The following ORC5 variants were observed in gnomAD, a reference collection of about 807,000 sequenced individuals.
The protein encoded by ORC5 is origin recognition complex subunit 5.
Under a neutral mutation model 58.8 loss-of-function variants are expected in ORC5, and 39 were observed. The observed-to-expected ratio is 0.66, with a 90% CI of 0.51 to 0.87. The LOEUF is 0.87. Ranked by LOEUF, ORC5 falls within the 40% of genes least tolerant of loss-of-function variation. The pLI is 0.00. For missense variants in ORC5, 493 were observed against 506.3 expected (o/e 0.97, Z 0.25); for synonymous variants, 218 against 177.6 (o/e 1.23, Z -1.81).
At chr7:104,188,792 T>A (rs889860571) in intron 5 of ORC5, among the ~76,000 whole-genome samples, 4 of 152,134 alleles carry the variant, frequency 2.6e-5, no homozygotes, top group Admixed American at 6.5e-5. Context: ...GGGAGGTGAT[T>A]GAATCATGAG....
At chr7:104,173,487 C>T (rs1042342478) in intron 8 of ORC5, among the ~76,000 whole-genome samples, 1 of 152,168 alleles carries the variant, frequency 6.6e-6, no homozygotes, top group Admixed American at 6.5e-5. Flanking sequence ...AAGGAATCAG[C>T]AATTCTTAGA....
chr7:104,155,808 G>A (rs532180358), intron 12 of ORC5, among the ~76,000 whole-genome samples: 2 of 151,498 alleles, frequency 1.3e-5, no homozygotes, highest in Admixed American at 6.6e-5. Context: ...GGTAGGGGAG[G>A]TAAGAATGAG....
At chr7:104,131,400 G>C (rs981391800) in intron 13 of ORC5, among the ~76,000 whole-genome samples, 1 of 152,022 alleles carries the variant, frequency 6.6e-6, no homozygotes, top group East Asian at 1.9e-4. Context: ...CTTATATAAC[G>C]TTTCAGTAAT....
intron 12 of ORC5, among the ~76,000 whole-genome samples, chr7:104,146,511 T>C (rs1584483992): frequency 1.3e-5 from 2 of 152,298 alleles, no homozygotes; most frequent in East Asian, 3.9e-4. Context: ...CATGCAAAAA[T>C]TTGGATGAAT....
intron 12 of ORC5, among the ~76,000 whole-genome samples, chr7:104,149,577 T>C (rs1447049537): frequency 1.3e-5 from 2 of 152,192 alleles, no homozygotes; most frequent in Non-Finnish European, 2.9e-5. Context: ...TAAAAGTCAG[T>C]GGTTTTACTA....
Position 104,183,926 on chromosome 7 carries a change from ACTAAATAGAAAATTAC to A in ORC5, c.824+1_824+16del. On this transcript the variant is annotated splice_donor_variant and splice_donor_5th_base_variant and intron_variant, in intron 8 of 13. Coordinates refer to ENST00000297431, the MANE Select transcript of ORC5 (RefSeq NM_002553.4). LOFTEE classifies it high-confidence loss of function. ...TAAAGATATAAAAACTAGTATGCATACTAAATAGAAAATTACCTTGATATTTCCCTGAGATAAACAG... is the reference window on the plus strand; with the variant it reads ...TAAAGATATAAAAACTAGTATGCATACTTGATATTTCCCTGAGATAAACAG... 6.5e-7 allele frequency: 1 copy of A among 1,537,756 alleles called. No individual in the cohort carries two copies. Among genetic ancestry groups the A allele is most frequent in the Non-Finnish European group, 9.0e-7 (1 of 1,114,878 alleles).
chr7:104,196,271 G>T (rs1305096618), intron 4 of ORC5, among the ~76,000 whole-genome samples: 1 of 152,184 alleles, frequency 6.6e-6, no homozygotes, highest in Non-Finnish European at 1.5e-5. Flanking sequence ...ATACCAGATG[G>T]TGAGTTCTAG....
At chr7:104,128,484 A>T (rs900350842) in intron 13 of ORC5, among the ~76,000 whole-genome samples, 1 of 152,162 alleles carries the variant, frequency 6.6e-6, no homozygotes, top group African/African-American at 2.4e-5. Context: ...AGGACCATAG[A>T]AAGGAAACGG....
Position 104,197,773 on chromosome 7 carries a change from T to C in ORC5, c.393A>G (p.Arg131=), listed in dbSNP as rs2307407. The C allele has an allele frequency of 0.015, 23,695 of 1,592,610 alleles. 825 individuals carry two copies. The highest frequency in any genetic ancestry group is 0.11 in the South Asian group (9,482 of 85,134). The change falls in exon 4 of 14, where the codon AGA becomes AGG. Residue 131 remains arginine, a synonymous_variant. Coordinates refer to ENST00000297431, the MANE Select transcript of ORC5 (RefSeq NM_002553.4). ...CAGGCAAAAGATTTGCTTCCATATC[T>C]CTTAGATACTCTGCTTTATCTAGAA... ...YIVLDKAEYL[R]DMEANLLPGF...
chr7:104,147,657 T>C (rs1798778403), intron 12 of ORC5, among the ~76,000 whole-genome samples: 1 of 152,190 alleles, frequency 6.6e-6, no homozygotes, highest in African/African-American at 2.4e-5. Flanking sequence ...TCCAAATATT[T>C]AATCCAAAAG....
chr7:104,173,280 T>C (rs796872045), intron 8 of ORC5, among the ~76,000 whole-genome samples: 3 of 152,364 alleles, frequency 2.0e-5, no homozygotes, highest in African/African-American at 4.8e-5. Context: ...AACAATTATG[T>C]AATTCTCCTC....
chr7:104,195,954 C>T (rs188540796), intron 4 of ORC5, among the ~76,000 whole-genome samples: 21 of 152,136 alleles, frequency 1.4e-4, no homozygotes, highest in African/African-American at 5.1e-4. Flanking sequence ...TTTTAAACTT[C>T]CCTTTACTTA....
rs1798593140 is a variant in ORC5, at chr7:104,136,692, A to T, written c.1262+89T>A. 1 of 784,874 alleles carries T rather than the reference A, an allele frequency of 1.3e-6. No individual in the cohort carries two copies. The highest frequency in any genetic ancestry group is 1.7e-5 in the African/African-American group (1 of 57,696). The allele number at this position is 784,874 out of a possible 1,614,324, so 48.6% of individuals were successfully genotyped here. ...TGGCACTTAAATAGATGATTTTTTC[A>T]TGTTTAAATGTCATGACTAATGACA... On this transcript the variant is annotated intron_variant, in intron 13 of 13. Coordinates refer to ENST00000297431, the MANE Select transcript of ORC5 (RefSeq NM_002553.4). The surrounding 1 kb of genome is among the most constrained non-coding windows in gnomAD (Gnocchi z 4.2).
At chr7:104,193,173 T>A (rs927237598) in intron 5 of ORC5, among the ~76,000 whole-genome samples, 1 of 152,162 alleles carries the variant, frequency 6.6e-6, no homozygotes, top group African/African-American at 2.4e-5. Context: ...ATTTTCTTTT[T>A]TGTCCTGTTA....
chr7:104,187,308 T>C (rs1799568485), intron 6 of ORC5, among the ~76,000 whole-genome samples: 1 of 152,206 alleles, frequency 6.6e-6, no homozygotes, highest in African/African-American at 2.4e-5. Context: ...TGAGAAGATG[T>C]CTGAAATCTA....
At chr7:104,141,054 T>C (rs1490762487) in intron 12 of ORC5, among the ~76,000 whole-genome samples, 3 of 152,122 alleles carry the variant, frequency 2.0e-5, no homozygotes, top group Middle Eastern at 3.4e-3. Context: ...TAACTCCAAC[T>C]CCAAAACTTT....
Position 104,207,930 on chromosome 7 carries a change from AGTG to A in ORC5, c.-29_-27del. On this transcript the variant is annotated 5_prime_UTR_variant, in exon 1 of 14. Coordinates refer to ENST00000297431, the MANE Select transcript of ORC5 (RefSeq NM_002553.4). ...TCTGGCAGGCACCACCGCAGAGGCCAGTGCAGCCAGCCCACAGGACCCTTGCAC... is the reference window on the plus strand; with the variant it reads ...TCTGGCAGGCACCACCGCAGAGGCCACAGCCAGCCCACAGGACCCTTGCAC... 1.2e-6 allele frequency: 2 copies of A among 1,609,216 alleles called. No homozygotes were observed. The highest frequency in any genetic ancestry group is 2.2e-5 in the South Asian group (2 of 90,998).
chr7:104,198,730 A>G (rs1054547897), intron 3 of ORC5, among the ~76,000 whole-genome samples: 4 of 152,258 alleles, frequency 2.6e-5, no homozygotes, highest in African/African-American at 9.6e-5. Flanking sequence ...AGCTGCAGAA[A>G]TGTGCATAAG....
At chr7:104,156,978 G>A (rs1798938034) in intron 12 of ORC5, among the ~76,000 whole-genome samples, 1 of 151,828 alleles carries the variant, frequency 6.6e-6, no homozygotes, top group African/African-American at 2.4e-5. Flanking sequence ...GCCATCTAGT[G>A]TTCGTACCAA....
Sources: gnomAD v4.1 joint callset for allele counts (sites outside exome capture counted in the v4.1 genomes callset) on GRCh38, gnomAD v4.1.1 for gene constraint, Gnocchi (gnomAD v3.1) non-coding constraint, MANE v1.5 for transcripts, NCBI Gene and HGNC (gene_info 2026-07-23, HGNC 2026-07-21) for gene names.